PRKAR1B: variants seen among roughly 807,000 people sequenced by gnomAD.
PRKAR1B encodes protein kinase cAMP-dependent type I regulatory subunit beta.
In PRKAR1B, 22 loss-of-function variants were observed where a neutral mutation model predicts 46.5. The observed-to-expected ratio is 0.47, with a 90% CI of 0.34 to 0.68. The LOEUF is 0.68. PRKAR1B is among the 30% of genes least tolerant of loss of function. The probability of loss-of-function intolerance (pLI) is 0.01; values close to 1 mark genes in which losing one functional copy is unlikely to be tolerated. For synonymous variants in PRKAR1B, 259 were observed against 217.7 expected (o/e 1.19, Z -1.67); for missense variants, 445 against 535.6 (o/e 0.83, Z 1.67).
At chr7:652,124 C>T (rs1222520833) in intron 4 of PRKAR1B, among the ~76,000 whole-genome samples, 1 of 138,644 alleles carries the variant, frequency 7.2e-6, no homozygotes, top group Non-Finnish European at 1.5e-5. Context: ...AAACCCCTCT[C>T]GGAAGACAGT....
intron 4 of PRKAR1B, among the ~76,000 whole-genome samples, chr7:638,737 A>C (rs780344614): frequency 6.6e-6 from 1 of 152,178 alleles, no homozygotes; most frequent in African/African-American, 2.4e-5. Context: ...CACCAAACTG[A>C]TCTATCAATT....
At chr7:625,300 AT>A (rs1335771853) in intron 4 of PRKAR1B, among the ~76,000 whole-genome samples, 1 of 152,248 alleles carries the variant, frequency 6.6e-6, no homozygotes, top group African/African-American at 2.4e-5. Flanking sequence ...GAATGCATAT[AT>A]TAGGAAAAGA....
intron 9 of PRKAR1B, among the ~76,000 whole-genome samples, chr7:567,426 A>ACC (rs1403847535): frequency 8.4e-5 from 12 of 142,654 alleles, no homozygotes; most frequent in African/African-American, 2.1e-4. Flanking sequence ...CATCACCATC[A>ACC]TCACCATCAT....
At chr7:673,581 A>G (rs7809030) in intron 4 of PRKAR1B, among the ~76,000 whole-genome samples, 44,106 of 151,190 alleles carry the variant, frequency 0.29, 7,329 homozygotes, top group African/African-American at 0.43. Flanking sequence ...CCTGTGAGGC[A>G]GAGCTTGCAG....
intron 2 of PRKAR1B, among the ~76,000 whole-genome samples, chr7:685,132 T>A: frequency 6.7e-6 from 1 of 148,776 alleles, no homozygotes; most frequent in Non-Finnish European, 1.5e-5. Flanking sequence ...AACATACACA[T>A]AACAGTAGGA....
chr7:631,111 C>T (rs1783712272), intron 4 of PRKAR1B, among the ~76,000 whole-genome samples: 2 of 152,074 alleles, frequency 1.3e-5, no homozygotes, highest in Admixed American at 1.3e-4. Context: ...TCACCAATCC[C>T]GGGTAATTTT....
chr7:551,314 A>C, intron 10 of PRKAR1B, 75 bp downstream of exon 10: 1 of 1,419,110 alleles, frequency 7.0e-7, no homozygotes, highest in East Asian at 2.5e-5. Context: ...GCAGCTCCTC[A>C]CCTCCAGGCC....
chr7:680,699 G>C lies in PRKAR1B; in HGVS notation c.205C>G (p.Gln69Glu). Residue 69 changes from glutamine (Q) to glutamate (E), a missense_variant, in exon 3 of 11, where the codon CAA becomes GAA. Physicochemically the swap from Gln to Glu is conservative, Grantham distance 29. Coordinates refer to ENST00000537384, the MANE Select transcript of PRKAR1B (RefSeq NM_001164760.2). The part of the protein sequence containing the change: ...KEENRQILAR[Q>E]KSNSQSDSHD... ...GAGTCCGACTGTGAGTTTGACTTTTGCCGCGCCAAAATCTGCCTGTTTTCT... is the reference window on the plus strand; with the variant it reads ...GAGTCCGACTGTGAGTTTGACTTTTCCCGCGCCAAAATCTGCCTGTTTTCT... 6.2e-7 allele frequency: 1 copy of C among 1,613,924 alleles called. No individual in the cohort carries two copies. Among genetic ancestry groups the C allele is most frequent in the Non-Finnish European group, 8.5e-7 (1 of 1,179,976 alleles).
intron 4 of PRKAR1B, among the ~76,000 whole-genome samples, chr7:618,832 G>A (rs1038830574): frequency 2.6e-5 from 4 of 152,170 alleles, no homozygotes; most frequent in African/African-American, 7.2e-5. Flanking sequence ...TTTAGATATT[G>A]CAACTATCTT....
At chr7:665,991 G>A (rs1785899459) in intron 4 of PRKAR1B, among the ~76,000 whole-genome samples, 1 of 152,232 alleles carries the variant, frequency 6.6e-6, no homozygotes, top group Non-Finnish European at 1.5e-5. Flanking sequence ...TGCCAGGAAG[G>A]CCGCCTCAAG....
chr7:726,665 C>G (rs998546250), intron 1 of PRKAR1B: 15 of 1,193,208 alleles, frequency 1.3e-5, no homozygotes, highest in African/African-American at 4.7e-5. Flanking sequence ...CTGCCGTAAT[C>G]TGCGCTGAGA....
At chr7:574,605 G>A (rs1411458178) in intron 9 of PRKAR1B, among the ~76,000 whole-genome samples, 8 of 152,044 alleles carry the variant, frequency 5.3e-5, no homozygotes, top group Non-Finnish European at 7.4e-5. Context: ...TACCACACCC[G>A]GCTAATTTTT....
intron 6 of PRKAR1B, among the ~76,000 whole-genome samples, chr7:600,508 G>C (rs1001353328): frequency 6.6e-5 from 10 of 152,138 alleles, no homozygotes; most frequent in African/African-American, 2.4e-4. Context: ...ATTAAAAAAC[G>C]AATTTTAAAA....
In PRKAR1B at chr7:716,093, G is replaced by A. The variant is rs545801651; in HGVS notation, c.-22-4566C>T. 3.9e-5 allele frequency among the ~76,000 whole-genome samples: 6 copies of A among 151,990 alleles called. No individual in the cohort carries two copies. The South Asian group carries it at 6.2e-4, about 16-fold the overall frequency. On this transcript the variant is annotated intron_variant, in intron 1 of 10. Transcript: ENST00000537384. ...GACAGGGTCTCACTCTGTCGCCCAG[G>A]CTGGAGTGCAGTGGTGTGATCATAG...
chr7:642,965 T>G (rs1784465188), intron 4 of PRKAR1B, among the ~76,000 whole-genome samples: 1 of 151,258 alleles, frequency 6.6e-6, no homozygotes, highest in Non-Finnish European at 1.5e-5. Context: ...AGTTTCCCCT[T>G]CTGTAAAGGA....
At chr7:678,636 G>C (rs143038264) in intron 3 of PRKAR1B, among the ~76,000 whole-genome samples, 6 of 152,242 alleles carry the variant, frequency 3.9e-5, no homozygotes, top group African/African-American at 1.2e-4. Context: ...TGTTGTGCCT[G>C]GGCCACCCAG....
intron 8 of PRKAR1B, among the ~76,000 whole-genome samples, chr7:583,286 C>T (rs1191193717): frequency 6.6e-6 from 1 of 152,240 alleles, no homozygotes; most frequent in East Asian, 1.9e-4. Flanking sequence ...TCAGAGAGAA[C>T]AGGGGTCAAA....
At chr7:686,110 C>T (rs900055055) in intron 2 of PRKAR1B, among the ~76,000 whole-genome samples, 3 of 152,000 alleles carry the variant, frequency 2.0e-5, no homozygotes, top group Non-Finnish European at 4.4e-5. Context: ...ACCATCCTGG[C>T]TAACACAGTG....
chr7:628,058 C>G (rs10237308), intron 4 of PRKAR1B, among the ~76,000 whole-genome samples: 9,616 of 152,214 alleles, frequency 0.063, 338 homozygotes, highest in Middle Eastern at 0.1. Flanking sequence ...ACTGAAGGCC[C>G]CCCGAACTCA....
Sources: allele counts gnomAD v4.1 joint callset (sites outside exome capture counted in the v4.1 genomes callset), GRCh38; gene constraint gnomAD v4.1.1; transcripts MANE v1.5; gene names NCBI Gene and HGNC (gene_info 2026-07-23, HGNC 2026-07-21).